The following METTL8 variants were observed in gnomAD, a reference collection of about 807,000 sequenced individuals.
METTL8 encodes tRNA N(3)-cytidine methyltransferase METTL8, mitochondrial.
A neutral mutation model predicts 48.7 loss-of-function variants in METTL8; 32 were observed. The ratio of observed to expected loss-of-function variants is 0.66; its 90% CI spans 0.50 to 0.88. METTL8 has a LOEUF of 0.88. Ranked by LOEUF, METTL8 falls within the 40% of genes least tolerant of loss-of-function variation. METTL8 has a pLI of 0.00. For synonymous variants in METTL8, 136 were observed against 157.1 expected, an observed-to-expected ratio of 0.87 and a Z score of 1.01; for missense variants, 464 against 474.4, an observed-to-expected ratio of 0.98 and a Z score of 0.20.
chr2:171,414,170 C>A (rs1319850747), intron 1 of METTL8, among the ~76,000 whole-genome samples: 1 of 152,118 alleles, frequency 6.6e-6, no homozygotes. Context: ...GTAATTCCAG[C>A]CCTTTGAGAG....
At chr2:171,371,074 A>G (rs1490223064) in intron 2 of METTL8, among the ~76,000 whole-genome samples, 1 of 152,228 alleles carries the variant, frequency 6.6e-6, no homozygotes, top group Non-Finnish European at 1.5e-5. Context: ...ATAAAGAAAA[A>G]ACATTTTCAG....
intron 3 of METTL8, among the ~76,000 whole-genome samples, chr2:171,355,254 G>C (rs1684399077): frequency 6.6e-6 from 1 of 152,202 alleles, no homozygotes; most frequent in Admixed American, 6.5e-5. Flanking sequence ...TGTTAACCTA[G>C]GTATCACCAG....
intron 2 of METTL8, among the ~76,000 whole-genome samples, chr2:171,374,359 T>G (rs1686717522): frequency 1.3e-5 from 2 of 152,184 alleles, no homozygotes; most frequent in South Asian, 4.1e-4. Flanking sequence ...TGGAGAAAAT[T>G]CTCTTCAGCT....
chr2:171,365,563 G>A (rs1685630117), intron 2 of METTL8, among the ~76,000 whole-genome samples: 2 of 152,214 alleles, frequency 1.3e-5, no homozygotes, highest in African/African-American at 4.8e-5. Flanking sequence ...TAATTCCTTT[G>A]TCTCCACTGG....
chr2:171,377,316 G>T (rs574491346), intron 2 of METTL8, among the ~76,000 whole-genome samples: 91 of 151,818 alleles, frequency 6.0e-4, no homozygotes, highest in Non-Finnish European at 1.2e-3. Context: ...GACCCCAAAA[G>T]CAAAACAAAA....
chr2:171,391,507 C>T (rs1688575420), intron 2 of METTL8, among the ~76,000 whole-genome samples: 1 of 152,210 alleles, frequency 6.6e-6, no homozygotes, highest in Non-Finnish European at 1.5e-5. Flanking sequence ...GGCATATAGT[C>T]TGTAACACTC....
intron 2 of METTL8, among the ~76,000 whole-genome samples, chr2:171,360,824 T>C (rs1007666016): frequency 2.6e-5 from 4 of 152,230 alleles, no homozygotes; most frequent in African/African-American, 9.6e-5. Context: ...TGCCGGTTTT[T>C]ACTCTAAGGC....
In METTL8 at chr2:171,320,398, A is replaced by T. The variant is rs549762932; in HGVS notation, c.*3774T>A. On this transcript the variant is annotated 3_prime_UTR_variant, in exon 10 of 10. Coordinates refer to ENST00000375258, the MANE Select transcript of METTL8 (RefSeq NM_001321154.2). ...TCACATGCTGTAATACATTATAGAAAGACACGAAGCCGAATTTTACTGTGC... is the reference window on the plus strand; with the variant it reads ...TCACATGCTGTAATACATTATAGAATGACACGAAGCCGAATTTTACTGTGC... 5.3e-5 allele frequency: 8 copies of T among 152,380 alleles called. No homozygotes were observed. Among genetic ancestry groups the T allele is most frequent in the African/African-American group, 1.9e-4 (8 of 41,586 alleles). The allele number at this position is 152,380 out of a possible 1,614,324, so 9.4% of individuals were successfully genotyped here.
At position 171,392,072 on chromosome 2, in the gene METTL8, G is replaced by A. The variant is rs1294404070; in HGVS notation, c.114C>T (p.Asp38=). The change falls in exon 2 of 10, where the codon GAC becomes GAT. Residue 38 remains aspartate, a synonymous_variant. Transcript: ENST00000375258. The stretch of plus-strand genomic sequence containing the variant: ...TGTTGTGTTCAAAAACTTTGGCTGG[G>A]TCAGTTAAAATCCTTGATCCCAGAG... ...VAPLGSRILT[D]PAKVFEHNMW... The A allele has an allele frequency of 3.9e-6, 6 of 1,551,562 alleles. No homozygotes were observed. The highest frequency in any genetic ancestry group is 4.4e-6 in the Non-Finnish European group (5 of 1,146,942).
chr2:171,389,591 C>T (rs1205709625), intron 2 of METTL8, among the ~76,000 whole-genome samples: 1 of 146,522 alleles, frequency 6.8e-6, no homozygotes, highest in Admixed American at 6.8e-5. Context: ...AATAGCATTA[C>T]TGATATGGAG....
intron 2 of METTL8, 81 bp downstream of exon 2, chr2:171,391,962 T>C: frequency 7.1e-7 from 1 of 1,412,312 alleles, no homozygotes; most frequent in Non-Finnish European, 9.5e-7. Flanking sequence ...TTAAAAACCC[T>C]TTCTTAATTC....
At chr2:171,356,952 A>ATGTTGTTTTTTTTTTTTTTTTT in intron 3 of METTL8, among the ~76,000 whole-genome samples, 1 of 78,468 alleles carries the variant, frequency 1.3e-5, no homozygotes, top group Non-Finnish European at 2.4e-5. Flanking sequence ...CAAAGACAAT[A>ATGTTGTTTTTTTTTTTTTTTTT]TTTTTTTTTT....
chr2:171,347,670 C>T (rs1683418713), intron 3 of METTL8, among the ~76,000 whole-genome samples: 1 of 152,146 alleles, frequency 6.6e-6, no homozygotes, highest in Admixed American at 6.6e-5. Context: ...AGGTGGCCAC[C>T]AGCAGAAGCT....
chr2:171,347,145 CTT>C (rs1229337265), intron 3 of METTL8, among the ~76,000 whole-genome samples: 3 of 152,202 alleles, frequency 2.0e-5, no homozygotes, highest in African/African-American at 7.2e-5. Context: ...GCCTTTATCT[CTT>C]TGAGTCATTT....
At position 171,331,792 on chromosome 2, in the gene METTL8, G is replaced by A; in HGVS notation, c.720+12C>T. ...TAGGCATCAGTTGGTATGATTCCCA[G>A]GAGTAGCATACCTTTACGAGCTCCA... On this transcript the variant is annotated intron_variant, in intron 6 of 9. Transcript: ENST00000375258. 6.3e-7 allele frequency: 1 copy of A among 1,591,146 alleles called. No individual in the cohort carries two copies. Among genetic ancestry groups the A allele is most frequent in the Non-Finnish European group, 8.6e-7 (1 of 1,164,184 alleles).
rs1483335829 is a variant in METTL8 at position 171,324,230 on chromosome 2, G to C, written c.1166C>G (p.Pro389Arg). The change falls in exon 10 of 10, where the codon CCA (proline) becomes CGA (arginine). Residue 389 changes from proline to arginine, a missense_variant. Transcript: ENST00000375258. ...RVWIQGKFQK[P>R]LHQTQNSSNM... ...GGAGCTATTCTGAGTCTGGTGCAATGGTTTCTGGAATTTGCCTTGAATCCA... is the reference window on the plus strand; with the variant it reads ...GGAGCTATTCTGAGTCTGGTGCAATCGTTTCTGGAATTTGCCTTGAATCCA... 2.6e-6 allele frequency: 4 copies of C among 1,551,096 alleles called. No individual in the cohort carries two copies. The highest frequency in any genetic ancestry group is 3.5e-6 in the Non-Finnish European group (4 of 1,146,930).
intron 1 of METTL8, among the ~76,000 whole-genome samples, chr2:171,424,688 G>C (rs761270351): frequency 6.6e-6 from 1 of 152,176 alleles, no homozygotes; most frequent in Non-Finnish European, 1.5e-5. Flanking sequence ...TTGTATCTAG[G>C]AAATAAATAA....
intron 5 of METTL8, 192 bp from the exon 6 acceptor site, chr2:171,332,059 AT>A (rs1020917932): frequency 1.5e-5 from 7 of 463,968 alleles, no homozygotes; most frequent in South Asian, 5.0e-5. Context: ...CTAATTTTAG[AT>A]TTTTTTGTAG....
chr2:171,398,050 T>C (rs909324822), intron 1 of METTL8, among the ~76,000 whole-genome samples: 1 of 152,128 alleles, frequency 6.6e-6, no homozygotes, highest in African/African-American at 2.4e-5. Flanking sequence ...TATTGGAACA[T>C]AAAATGATAC....
Sources: allele counts gnomAD v4.1 joint callset (sites outside exome capture counted in the v4.1 genomes callset), GRCh38; gene constraint gnomAD v4.1.1; transcripts MANE v1.5; gene names NCBI Gene and HGNC (gene_info 2026-07-23, HGNC 2026-07-21).